The following TMTC2 variants were observed in gnomAD, a reference collection of about 807,000 sequenced individuals.
TMTC2 encodes transmembrane O-mannosyltransferase targeting cadherins 2.
In TMTC2, 43 loss-of-function variants were observed where a neutral mutation model predicts 82.4. That is an observed-to-expected ratio of 0.52 (90% CI 0.41 to 0.67). The LOEUF is 0.67. Ranked by LOEUF, TMTC2 falls within the 30% of genes least tolerant of loss-of-function variation. TMTC2 has a pLI of 0.00. For missense variants in TMTC2, 919 were observed against 1,012.4 expected (o/e 0.91, Z 1.25); for synonymous variants, 408 against 381.9 (o/e 1.07, Z -0.80).
At chr12:82,807,026 G>A (rs1281108731) in intron 1 of TMTC2, among the ~76,000 whole-genome samples, 1 of 152,024 alleles carries the variant, frequency 6.6e-6, no homozygotes, top group African/African-American at 2.4e-5. Context: ...TAACATGTAC[G>A]ATTGACAGCT....
At chr12:82,967,053 G>T in intron 7 of TMTC2, 56 bp downstream of exon 7, 1 of 1,331,638 alleles carries the variant, frequency 7.5e-7, no homozygotes, top group South Asian at 1.2e-5. Context: ...TGGAGAAACA[G>T]GAACCCATGT....
Position 82,822,222 on chromosome 12 carries a change from A to G in TMTC2, c.84-34788A>G, listed in dbSNP as rs796118873. Among the ~76,000 whole-genome samples the G allele has an allele frequency of 3.3e-5, 5 of 152,348 alleles. No individual in the cohort carries two copies. In the South Asian group the frequency reaches 6.2e-4, roughly 19 times the overall value. ...GGGCAGTGGAACTACTCTGTGTGAT[A>G]TGTAATGGTGGATACATTTGCCCAA... On this transcript the variant is annotated intron_variant, in intron 1 of 11. Coordinates refer to ENST00000321196, the MANE Select transcript of TMTC2 (RefSeq NM_152588.3).
chr12:82,808,391 A>G (rs1565759420), intron 1 of TMTC2, among the ~76,000 whole-genome samples: 1 of 152,098 alleles, frequency 6.6e-6, no homozygotes, highest in Non-Finnish European at 1.5e-5. Flanking sequence ...GTTAACTACA[A>G]TAAAATAACT....
At position 83,111,957 on chromosome 12, in the gene TMTC2, AC is replaced by A. The variant is rs572166535; in HGVS notation, c.2332-20252del. Among the ~76,000 whole-genome samples the A allele has an allele frequency of 4.8e-3, 722 of 151,748 alleles. 7 individuals carry two copies. Among genetic ancestry groups the A allele is most frequent in the African/African-American group, 0.017 (686 of 41,358 alleles). On this transcript the variant is annotated intron_variant, in intron 11 of 11. Transcript: ENST00000321196. ...AACCTCGTCTCTACAAAAAAAAAAAACATCCAGGTATGGTGGCACATGCCAG... is the reference window on the plus strand; with the variant it reads ...AACCTCGTCTCTACAAAAAAAAAAAAATCCAGGTATGGTGGCACATGCCAG...
At chr12:83,061,550 C>T (rs1882741069) in intron 10 of TMTC2, among the ~76,000 whole-genome samples, 1 of 151,518 alleles carries the variant, frequency 6.6e-6, no homozygotes. Flanking sequence ...AAATAACACC[C>T]GCTGAATAGG....
At chr12:83,117,188 T>C (rs1231463143) in intron 11 of TMTC2, among the ~76,000 whole-genome samples, 3 of 152,172 alleles carry the variant, frequency 2.0e-5, no homozygotes, top group Non-Finnish European at 4.4e-5. Flanking sequence ...CAGGGTGTTC[T>C]TTCCCCACTT....
chr12:82,843,776 C>T lies in TMTC2; in HGVS notation c.84-13234C>T, dbSNP rs536094840. The stretch of plus-strand genomic sequence containing the variant: ...CAGTCTGGCCAACATGGTGAAACCC[C>T]GTCTCTACTAAAAATACAAAAATTA... On this transcript the variant is annotated intron_variant, in intron 1 of 11. Coordinates refer to ENST00000321196, the MANE Select transcript of TMTC2 (RefSeq NM_152588.3). Among the ~76,000 whole-genome samples the T allele has an allele frequency of 6.6e-5, 10 of 151,982 alleles. No individual in the cohort carries two copies. The South Asian group carries it at 1.9e-3, about 28-fold the overall frequency.
chr12:82,831,296 T>C (rs1869732398), intron 1 of TMTC2, among the ~76,000 whole-genome samples: 1 of 152,230 alleles, frequency 6.6e-6, no homozygotes, highest in Admixed American at 6.5e-5. Flanking sequence ...GTTTCTCTCC[T>C]ATTTTTAAGG....
intron 7 of TMTC2, among the ~76,000 whole-genome samples, chr12:82,974,476 A>T (rs1446856823): frequency 6.6e-6 from 1 of 152,210 alleles, no homozygotes; most frequent in Non-Finnish European, 1.5e-5. Flanking sequence ...GTGGAAGAAG[A>T]TAATTTTGTG....
At chr12:82,817,392 T>C (rs1435637653) in intron 1 of TMTC2, among the ~76,000 whole-genome samples, 1 of 152,194 alleles carries the variant, frequency 6.6e-6, no homozygotes, top group African/African-American at 2.4e-5. Context: ...TTTATTGTTA[T>C]ATAGTATTCT....
intron 2 of TMTC2, among the ~76,000 whole-genome samples, chr12:82,889,593 T>C (rs1873292019): frequency 6.6e-6 from 1 of 152,064 alleles, no homozygotes; most frequent in African/African-American, 2.4e-5. Flanking sequence ...CTTTCGTACA[T>C]ACGTAAGCAT....
At chr12:82,986,618 T>C (rs1485754043) in intron 8 of TMTC2, 1 of 152,496 alleles carries the variant, frequency 6.6e-6, no homozygotes, top group Non-Finnish European at 1.5e-5. Context: ...GCCAACATTG[T>C]ATAAAATTCT....
chr12:83,067,444 G>T (rs931546940), intron 11 of TMTC2, among the ~76,000 whole-genome samples: 6 of 152,134 alleles, frequency 3.9e-5, no homozygotes, highest in African/African-American at 1.4e-4. Flanking sequence ...TCCAAGGTGA[G>T]TGGGGGGTGC....
At chr12:82,721,959 A>C (rs1874225906) in intron 1 of TMTC2, among the ~76,000 whole-genome samples, 1 of 152,200 alleles carries the variant, frequency 6.6e-6, no homozygotes, top group Non-Finnish European at 1.5e-5. Context: ...TCCTCTAGCA[A>C]GAATTAGAAT....
At chr12:82,691,827 C>T (rs1020955018) in intron 1 of TMTC2, among the ~76,000 whole-genome samples, 1 of 152,116 alleles carries the variant, frequency 6.6e-6, no homozygotes, top group Non-Finnish European at 1.5e-5. Flanking sequence ...GGGAGAAGCT[C>T]TCTTTGTATC....
At chr12:83,110,274 C>T (rs927590850) in intron 11 of TMTC2, among the ~76,000 whole-genome samples, 2 of 152,188 alleles carry the variant, frequency 1.3e-5, no homozygotes, top group African/African-American at 4.8e-5. Flanking sequence ...GGACACTAAT[C>T]CAGCAGTTAC....
At chr12:82,778,831 A>G (rs1255830147) in intron 1 of TMTC2, among the ~76,000 whole-genome samples, 1 of 127,012 alleles carries the variant, frequency 7.9e-6, no homozygotes, top group Non-Finnish European at 1.6e-5. Context: ...CCTAGGCGAC[A>G]GAGCGAGACT....
chr12:82,887,864 G>A (rs1261670250), intron 2 of TMTC2, among the ~76,000 whole-genome samples: 2 of 152,130 alleles, frequency 1.3e-5, no homozygotes, highest in Non-Finnish European at 2.9e-5. Flanking sequence ...CAGATCACCT[G>A]AGGTTGGGAG....
intron 8 of TMTC2, among the ~76,000 whole-genome samples, chr12:82,992,396 C>T (rs1391452248): frequency 2.0e-5 from 3 of 152,012 alleles, no homozygotes; most frequent in Non-Finnish European, 4.4e-5. Context: ...GGAGCTAGTT[C>T]AGAACAAATG....
Sources: allele counts gnomAD v4.1 joint callset (sites outside exome capture counted in the v4.1 genomes callset), GRCh38; gene constraint gnomAD v4.1.1; transcripts MANE v1.5; gene names NCBI Gene and HGNC (gene_info 2026-07-23, HGNC 2026-07-21).